The following KLHL1 variants were observed in gnomAD, a reference collection of about 807,000 sequenced individuals.
KLHL1 encodes kelch like family member 1, also known as kelch-like protein 1.
KLHL1 carries 47 observed loss-of-function variants against 77.7 expected under a neutral mutation model. The observed-to-expected ratio is 0.60, with a 90% CI of 0.48 to 0.77. KLHL1 has a LOEUF of 0.77. Among genes scored for constraint, KLHL1 ranks in the 30% least tolerant of loss-of-function variants. The pLI is 0.00. For synonymous variants in KLHL1, 360 were observed against 325.2 expected (o/e 1.11, Z -1.15); for missense variants, 925 against 910.8 (o/e 1.02, Z -0.20).
At chr13:69,751,112 A>ATGTG (rs56689981) in intron 7 of KLHL1, among the ~76,000 whole-genome samples, 6,722 of 141,110 alleles carry the variant, frequency 0.048, 164 homozygotes, top group African/African-American at 0.073. Flanking sequence ...TCATGTGTGT[A>ATGTG]TGTGTGTGTG....
At chr13:69,864,549 T>G (rs889072916) in intron 5 of KLHL1, among the ~76,000 whole-genome samples, 6 of 152,130 alleles carry the variant, frequency 3.9e-5, no homozygotes, top group African/African-American at 1.4e-4. Flanking sequence ...TTTTTCAATA[T>G]TTTATATAGC....
intron 1 of KLHL1, among the ~76,000 whole-genome samples, chr13:69,990,614 G>GACCT (rs1434830285): frequency 2.0e-5 from 3 of 151,970 alleles, no homozygotes; most frequent in African/African-American, 7.2e-5. Flanking sequence ...TGAACAAGAA[G>GACCT]ACCTAACTAT....
At chr13:70,100,163 T>C (rs981411147) in intron 1 of KLHL1, among the ~76,000 whole-genome samples, 10 of 150,686 alleles carry the variant, frequency 6.6e-5, no homozygotes, top group African/African-American at 2.4e-4. Context: ...AGTCTTCTGA[T>C]CTATGAATAT....
At chr13:69,779,996 G>C (rs1013661276) in intron 7 of KLHL1, among the ~76,000 whole-genome samples, 2 of 151,696 alleles carry the variant, frequency 1.3e-5, no homozygotes, top group South Asian at 2.1e-4. Flanking sequence ...TAGAGACAGG[G>C]TTTCACCATG....
In KLHL1 at chr13:70,046,641, C is replaced by T. The variant is rs574224002; in HGVS notation, c.497+60562G>A. Among the ~76,000 whole-genome samples, 240 of 152,244 alleles carry T rather than the reference C, an allele frequency of 1.6e-3. 1 individual carries two copies. The highest frequency in any genetic ancestry group is 5.7e-3 in the African/African-American group (236 of 41,556). On this transcript the variant is annotated intron_variant, in intron 1 of 10. Transcript: ENST00000377844. ...TAGCTGGGATTACAGGAGTGCACCA[C>T]CATACCTGGCTAATTTTAACTTTTT...
At chr13:69,839,397 G>GT (rs1879154740) in intron 5 of KLHL1, among the ~76,000 whole-genome samples, 1 of 151,564 alleles carries the variant, frequency 6.6e-6, no homozygotes, top group South Asian at 2.1e-4. Context: ...ACCACACAGA[G>GT]TAAAAAAAAC....
intron 7 of KLHL1, among the ~76,000 whole-genome samples, chr13:69,746,669 T>C (rs1471347138): frequency 6.6e-6 from 1 of 151,974 alleles, no homozygotes. Context: ...AATATTTCAT[T>C]TTTTTCCTTT....
At chr13:70,075,664 T>TGTGTGTGTATATATATATACACACAC (rs1887251267) in intron 1 of KLHL1, among the ~76,000 whole-genome samples, 2 of 143,090 alleles carry the variant, frequency 1.4e-5, no homozygotes, top group Non-Finnish European at 3.0e-5. Flanking sequence ...TATACCTATG[T>TGTGTGTGTATATATATATACACACAC]GTGTGTGTAT....
chr13:69,792,243 C>T (rs1178698309), intron 7 of KLHL1, among the ~76,000 whole-genome samples: 2 of 151,792 alleles, frequency 1.3e-5, no homozygotes, highest in African/African-American at 2.4e-5. Context: ...AAAAATAACC[C>T]CAAGACAAGA....
chr13:69,806,714 T>G (rs548995219), intron 6 of KLHL1, among the ~76,000 whole-genome samples: 9 of 152,256 alleles, frequency 5.9e-5, no homozygotes, highest in African/African-American at 1.9e-4. Context: ...TGCCTAAAGA[T>G]TCTCAGAAAT....
At chr13:69,865,522 T>A (rs77910058) in intron 5 of KLHL1, among the ~76,000 whole-genome samples, 10,757 of 152,050 alleles carry the variant, frequency 0.071, 544 homozygotes, top group Non-Finnish European at 0.11. Context: ...TTTTAAAAAA[T>A]TTACTGAAGA....
chr13:69,781,098 C>A (rs887917655), intron 7 of KLHL1, among the ~76,000 whole-genome samples: 1 of 127,940 alleles, frequency 7.8e-6, no homozygotes, highest in African/African-American at 3.1e-5. Flanking sequence ...TAGGACTGCC[C>A]AAATCTTGCA....
intron 1 of KLHL1, among the ~76,000 whole-genome samples, chr13:70,068,253 A>G (rs546955434): frequency 3.0e-4 from 45 of 152,194 alleles, no homozygotes; most frequent in Non-Finnish European, 5.6e-4. Context: ...AGGCAGGAGA[A>G]TGGCGTGAAC....
chr13:69,941,933 C>A (rs575229629), intron 3 of KLHL1, among the ~76,000 whole-genome samples: 1 of 151,866 alleles, frequency 6.6e-6, no homozygotes, highest in Non-Finnish European at 1.5e-5. Context: ...AAACTCTGAA[C>A]AATCAAGTAC....
chr13:69,996,162 G>T (rs960485549), intron 1 of KLHL1, among the ~76,000 whole-genome samples: 1 of 151,940 alleles, frequency 6.6e-6, no homozygotes, highest in Non-Finnish European at 1.5e-5. Flanking sequence ...AATTAGCTGC[G>T]CATGGTAGCA....
intron 5 of KLHL1, among the ~76,000 whole-genome samples, chr13:69,851,269 C>T (rs1459627464): frequency 6.6e-6 from 1 of 151,634 alleles, no homozygotes; most frequent in Non-Finnish European, 1.5e-5. Context: ...CAAACACATG[C>T]AGATTTATCA....
intron 5 of KLHL1, among the ~76,000 whole-genome samples, chr13:69,871,321 T>G (rs1160681507): frequency 6.6e-6 from 1 of 152,180 alleles, no homozygotes; most frequent in African/African-American, 2.4e-5. Flanking sequence ...TCTGTCATTC[T>G]AGGCCTCTTG....
intron 8 of KLHL1, among the ~76,000 whole-genome samples, chr13:69,737,761 G>A (rs1399343863): frequency 6.6e-6 from 1 of 152,214 alleles, no homozygotes; most frequent in East Asian, 1.9e-4. Context: ...GCCCATAGGA[G>A]GAGGGGCAGC....
chr13:69,805,782 G>C (rs1261835711), intron 6 of KLHL1, among the ~76,000 whole-genome samples: 2 of 150,928 alleles, frequency 1.3e-5, no homozygotes, highest in Non-Finnish European at 3.0e-5. Flanking sequence ...CACTGATTCT[G>C]AATGATATTA....
Sources: gnomAD v4.1 joint callset for allele counts (sites outside exome capture counted in the v4.1 genomes callset) on GRCh38, gnomAD v4.1.1 for gene constraint, MANE v1.5 for transcripts, NCBI Gene and HGNC (gene_info 2026-07-23, HGNC 2026-07-21) for gene names.